KSR2: variants seen among roughly 807,000 people sequenced by gnomAD.
KSR2 encodes the protein kinase suppressor of ras 2.
KSR2 carries 25 observed loss-of-function variants against 107.8 expected under a neutral mutation model. The ratio of observed to expected loss-of-function variants is 0.23; its 90% CI spans 0.17 to 0.32. The LOEUF (loss-of-function observed/expected upper bound fraction) is 0.32. Ranked by LOEUF, KSR2 falls within the 10% of genes least tolerant of loss-of-function variation. The probability of loss-of-function intolerance (pLI) is 1.00; values close to 1 mark genes in which losing one functional copy is unlikely to be tolerated. For missense variants in KSR2, 887 were observed against 1,268.9 expected (o/e 0.70, Z 4.57); for synonymous variants, 480 against 507.0 (o/e 0.95, Z 0.71).
At chr12:117,704,569 T>C (rs543994365) in intron 4 of KSR2, among the ~76,000 whole-genome samples, 2 of 152,038 alleles carry the variant, frequency 1.3e-5, no homozygotes, top group African/African-American at 4.8e-5. Flanking sequence ...GCTCAAGACA[T>C]AATGAAGGGC....
chr12:117,787,590 G>A (rs1006923457), intron 3 of KSR2, among the ~76,000 whole-genome samples: 11 of 151,896 alleles, frequency 7.2e-5, no homozygotes, highest in Non-Finnish European at 1.5e-4. Context: ...CCGACACTGC[G>A]CCACTGCACT....
intron 4 of KSR2, among the ~76,000 whole-genome samples, chr12:117,743,906 G>A (rs1888310086): frequency 6.6e-6 from 1 of 152,144 alleles, no homozygotes; most frequent in African/African-American, 2.4e-5. Context: ...TCAATGCCTG[G>A]CCTCCAGATT....
chr12:117,629,505 C>T (rs1240894803), intron 5 of KSR2, among the ~76,000 whole-genome samples: 1 of 152,218 alleles, frequency 6.6e-6, no homozygotes, highest in South Asian at 2.1e-4. Flanking sequence ...AAAATCTATG[C>T]TGACAATTGC....
intron 8 of KSR2, among the ~76,000 whole-genome samples, chr12:117,556,323 G>A (rs1043655628): frequency 5.3e-5 from 8 of 152,134 alleles, no homozygotes; most frequent in East Asian, 1.9e-4. Context: ...AACCCTCTAC[G>A]GAGGAGAATT....
intron 10 of KSR2, among the ~76,000 whole-genome samples, chr12:117,537,945 A>G (rs1487249532): frequency 6.6e-6 from 1 of 152,186 alleles, no homozygotes; most frequent in African/African-American, 2.4e-5. Context: ...CAGTTCTCCC[A>G]TAAAACGGCC....
At chr12:117,768,762 C>A (rs1440752782) in intron 3 of KSR2, among the ~76,000 whole-genome samples, 3 of 152,164 alleles carry the variant, frequency 2.0e-5, no homozygotes, top group Admixed American at 6.5e-5. Context: ...TGAATTTACA[C>A]ATAAAAAGTT....
At position 117,471,336 on chromosome 12, in the gene KSR2, G is replaced by A; in HGVS notation, c.2583-16C>T. 6.2e-7 allele frequency: 1 copy of A among 1,610,862 alleles called. No homozygotes were observed. Among genetic ancestry groups the A allele is most frequent in the East Asian group, 2.2e-5 (1 of 44,630 alleles). On this transcript the variant is annotated splice_polypyrimidine_tract_variant and intron_variant, in intron 17 of 19. Coordinates refer to ENST00000339824, the MANE Select transcript of KSR2 (RefSeq NM_173598.6). Reference sequence around the variant, plus strand: ...CCAGATTGTGCTGTTGGCAGACGTTGTTAAAGGGGTGTTGGTGTGGTGTGT... The same window carrying A: ...CCAGATTGTGCTGTTGGCAGACGTTATTAAAGGGGTGTTGGTGTGGTGTGT...
At chr12:117,535,253 G>C (rs1875958437) in intron 10 of KSR2, among the ~76,000 whole-genome samples, 1 of 152,182 alleles carries the variant, frequency 6.6e-6, no homozygotes, top group Non-Finnish European at 1.5e-5. Context: ...ATGAAATTCA[G>C]GTCATTCATT....
At chr12:117,622,688 A>C (rs1384001723) in intron 5 of KSR2, among the ~76,000 whole-genome samples, 4 of 152,158 alleles carry the variant, frequency 2.6e-5, no homozygotes, top group African/African-American at 7.2e-5. Context: ...TGTGCCATAA[A>C]GCTTCAATTC....
chr12:117,498,919 T>G (rs1873204445), intron 14 of KSR2, among the ~76,000 whole-genome samples: 1 of 152,222 alleles, frequency 6.6e-6, no homozygotes, highest in Non-Finnish European at 1.5e-5. Flanking sequence ...AATTGCCTAG[T>G]CTCAGGTATG....
At chr12:117,839,850 C>T (rs1025928480) in intron 3 of KSR2, among the ~76,000 whole-genome samples, 1 of 152,184 alleles carries the variant, frequency 6.6e-6, no homozygotes, top group Non-Finnish European at 1.5e-5. Flanking sequence ...CCCCACCAGG[C>T]ATCAGCAGCA....
intron 12 of KSR2, among the ~76,000 whole-genome samples, chr12:117,527,950 AGTGTGTGTGTGTGTGTGT>A (rs10664320): frequency 2.6e-4 from 37 of 142,620 alleles, no homozygotes; most frequent in African/African-American, 5.2e-4. Context: ...GGAAGACACA[AGTGTGTGTGTGTGTGTGT>A]GTGTGTGTGT....
chr12:117,797,099 C>T (rs575260892), intron 3 of KSR2, among the ~76,000 whole-genome samples: 6 of 152,258 alleles, frequency 3.9e-5, no homozygotes, highest in Non-Finnish European at 8.8e-5. Flanking sequence ...AAAAGTGAAA[C>T]ATAGAATGAC....
At position 117,687,393 on chromosome 12, in the gene KSR2, T is replaced by C. The variant is rs559629930; in HGVS notation, c.987-19735A>G. ...TTTTCCACGAGAGTTTGAAGAACTG[T>C]TGCCTGAAATTAGTGGGTTTCTTCA... On this transcript the variant is annotated intron_variant, in intron 4 of 19. Coordinates refer to ENST00000339824, the MANE Select transcript of KSR2 (RefSeq NM_173598.6). Among the ~76,000 whole-genome samples, 9 of 152,330 alleles carry C rather than the reference T, an allele frequency of 5.9e-5. No individual in the cohort carries two copies. The East Asian group carries it at 1.7e-3, about 29-fold the overall frequency.
intron 3 of KSR2, among the ~76,000 whole-genome samples, chr12:117,824,578 C>T (rs1031967413): frequency 4.6e-5 from 7 of 151,954 alleles, no homozygotes; most frequent in South Asian, 2.1e-4. Context: ...AATTTTAGGC[C>T]GGGCGCGGTG....
At chr12:117,881,857 G>A (rs1364869686) in intron 1 of KSR2, among the ~76,000 whole-genome samples, 1 of 152,170 alleles carries the variant, frequency 6.6e-6, no homozygotes, top group Non-Finnish European at 1.5e-5. Context: ...ATGCATCTTT[G>A]CCCAATTAAT....
chr12:117,788,589 C>T (rs1890156482), intron 3 of KSR2, among the ~76,000 whole-genome samples: 1 of 152,162 alleles, frequency 6.6e-6, no homozygotes, highest in South Asian at 2.1e-4. Flanking sequence ...GCAACCTCTG[C>T]CTCCCAGGTT....
intron 4 of KSR2, among the ~76,000 whole-genome samples, chr12:117,680,868 T>C (rs568176023): frequency 1.3e-5 from 2 of 152,262 alleles, no homozygotes; most frequent in East Asian, 1.9e-4. Flanking sequence ...AGTAAAATAA[T>C]TGGATTCCAG....
intron 5 of KSR2, among the ~76,000 whole-genome samples, chr12:117,632,378 C>T (rs1882850346): frequency 1.3e-5 from 2 of 151,556 alleles, no homozygotes; most frequent in South Asian, 4.2e-4. Flanking sequence ...GTGCCCGCCA[C>T]CATGCCTGGC....
Sources: allele counts gnomAD v4.1 joint callset (sites outside exome capture counted in the v4.1 genomes callset), GRCh38; gene constraint gnomAD v4.1.1; transcripts MANE v1.5; gene names NCBI Gene and HGNC (gene_info 2026-07-23, HGNC 2026-07-21).